Variants in PDE4D observed in about 807,000 individuals in gnomAD.
The protein encoded by PDE4D is 3',5'-cyclic-AMP phosphodiesterase 4D.
In PDE4D, 24 loss-of-function variants were observed where a neutral mutation model predicts 87.4. The observed-to-expected ratio is 0.27, with a 90% CI of 0.20 to 0.39. The LOEUF is 0.39. Ranked by LOEUF, PDE4D falls within the 10% of genes least tolerant of loss-of-function variation. The pLI, the probability that PDE4D is intolerant of heterozygous loss-of-function variation, is 1.00. For synonymous variants in PDE4D, 384 were observed against 383.2 expected (o/e 1.00, Z -0.02); for missense variants, 714 against 1,041.0 (o/e 0.69, Z 4.32).
chr5:59,797,391 C>T (rs1335720890), intron 1 of PDE4D, among the ~76,000 whole-genome samples: 1 of 152,168 alleles, frequency 6.6e-6, no homozygotes, highest in Non-Finnish European at 1.5e-5. Context: ...CATGGAAGGA[C>T]CAGCTCGTTA....
chr5:58,988,168 C>CT (rs1363081691), intron 11 of PDE4D, among the ~76,000 whole-genome samples: 2 of 151,422 alleles, frequency 1.3e-5, no homozygotes, highest in Admixed American at 6.6e-5. Flanking sequence ...ATTCTCATAA[C>CT]TTTTTTTTTA....
chr5:60,121,469 A>T (rs1230264680), intron 2 of PDE4D, among the ~76,000 whole-genome samples: 1 of 152,128 alleles, frequency 6.6e-6, no homozygotes, highest in Non-Finnish European at 1.5e-5. Context: ...GAGGCCTCAC[A>T]ATCATGGCAG....
At chr5:60,132,933 G>A (rs1279720605) in intron 2 of PDE4D, among the ~76,000 whole-genome samples, 1 of 152,092 alleles carries the variant, frequency 6.6e-6, no homozygotes, top group African/African-American at 2.4e-5. Flanking sequence ...GCACTTTCAG[G>A]CATATCCCTG....
At chr5:59,926,649 A>G (rs1755320247) in intron 3 of PDE4D, among the ~76,000 whole-genome samples, 1 of 152,162 alleles carries the variant, frequency 6.6e-6, no homozygotes, top group Non-Finnish European at 1.5e-5. Context: ...TAGCATCTTA[A>G]TAAGAAGACA....
chr5:60,186,501 A>G (rs1229005992), intron 1 of PDE4D, among the ~76,000 whole-genome samples: 6 of 152,162 alleles, frequency 3.9e-5, no homozygotes, highest in Non-Finnish European at 8.8e-5. Flanking sequence ...CACAACCTAC[A>G]TATTTATAAG....
At chr5:59,828,036 T>A (rs1478767050) in intron 1 of PDE4D, among the ~76,000 whole-genome samples, 2 of 151,966 alleles carry the variant, frequency 1.3e-5, no homozygotes, top group South Asian at 4.1e-4. Flanking sequence ...GCTTGCCTGA[T>A]AGCAGAGGGT....
chr5:60,045,215 T>A (rs1451200420), intron 2 of PDE4D, among the ~76,000 whole-genome samples: 2 of 152,038 alleles, frequency 1.3e-5, no homozygotes, highest in East Asian at 3.9e-4. Flanking sequence ...GGTTGTTTGT[T>A]TTTTTCTTGT....
At position 59,874,074 on chromosome 5, in the gene PDE4D, C is replaced by T. The variant is rs567872900; in HGVS notation, c.455+19094G>A. On this transcript the variant is annotated intron_variant, in intron 1 of 14. Transcript: ENST00000340635. Reference sequence around the variant, plus strand: ...AAAAATTTTTTTTTAAAAAAATGGCCGAGTATGATGGCTCCCTACGCAGGA... The same window carrying T: ...AAAAATTTTTTTTTAAAAAAATGGCTGAGTATGATGGCTCCCTACGCAGGA... 8.8e-4 allele frequency among the ~76,000 whole-genome samples: 133 copies of T among 151,830 alleles called. 1 individual carries two copies. Among genetic ancestry groups the T allele is most frequent in the Middle Eastern group, 3.4e-3 (1 of 294 alleles).
chr5:59,589,163 G>C (rs1182894901), intron 1 of PDE4D, among the ~76,000 whole-genome samples: 1 of 152,136 alleles, frequency 6.6e-6, no homozygotes, highest in Non-Finnish European at 1.5e-5. Flanking sequence ...TATCTAGTGA[G>C]TCACTATCTG....
At chr5:60,361,832 G>T (rs1760102931) in intron 1 of PDE4D, among the ~76,000 whole-genome samples, 1 of 152,088 alleles carries the variant, frequency 6.6e-6, no homozygotes, top group African/African-American at 2.4e-5. Context: ...AATTGTTGTT[G>T]TTTAATCCAC....
At chr5:59,038,836 G>C in intron 6 of PDE4D, 23 bp downstream of exon 6, 1 of 1,471,178 alleles carries the variant, frequency 6.8e-7, no homozygotes, top group Admixed American at 2.4e-5. Context: ...GGGGGCACCA[G>C]TGACAGCAGA....
chr5:59,358,557 G>A (rs1345881064), intron 1 of PDE4D, among the ~76,000 whole-genome samples: 3 of 151,916 alleles, frequency 2.0e-5, no homozygotes, highest in Admixed American at 1.3e-4. Context: ...TTCCATTTTC[G>A]GCAGCTCTTA....
At chr5:60,093,177 A>G (rs547367690) in intron 2 of PDE4D, among the ~76,000 whole-genome samples, 401 of 152,342 alleles carry the variant, frequency 2.6e-3, no homozygotes, top group Non-Finnish European at 4.9e-3. Context: ...AAAAAGATGC[A>G]TGAAGCACAT....
intron 1 of PDE4D, among the ~76,000 whole-genome samples, chr5:60,409,947 G>A (rs1454751334): frequency 1.3e-5 from 2 of 152,168 alleles, no homozygotes; most frequent in East Asian, 3.9e-4. Context: ...GTGGATAGAG[G>A]AGAGCCCGAG....
intron 3 of PDE4D, among the ~76,000 whole-genome samples, chr5:59,964,759 T>C (rs974262742): frequency 3.9e-5 from 6 of 152,152 alleles, no homozygotes; most frequent in Non-Finnish European, 8.8e-5. Context: ...TCTCTATCAG[T>C]AGCCACAGTC....
intron 3 of PDE4D, among the ~76,000 whole-genome samples, chr5:59,980,730 A>C (rs1361067714): frequency 5.9e-5 from 9 of 152,234 alleles, no homozygotes; most frequent in Admixed American, 3.9e-4. Context: ...AACCTGAAAA[A>C]GACACTGGAG....
In PDE4D at chr5:59,004,569, C is replaced by T. The variant is rs377353540; in HGVS notation, c.922-11104G>A. Reference sequence around the variant, plus strand: ...GAAAGGTTTCAAATGTAACAAAGTGCCATCTTCACAATATACACTATTGCT... The same window carrying T: ...GAAAGGTTTCAAATGTAACAAAGTGTCATCTTCACAATATACACTATTGCT... On this transcript the variant is annotated intron_variant, in intron 6 of 14. Coordinates refer to ENST00000340635, the MANE Select transcript of PDE4D (RefSeq NM_001104631.2). Among the ~76,000 whole-genome samples the T allele has an allele frequency of 4.6e-5, 7 of 152,284 alleles. No individual in the cohort carries two copies. The South Asian group carries it at 8.3e-4, about 18-fold the overall frequency.
Position 59,999,321 on chromosome 5 carries a change from A to C in PDE4D, c.43-10604T>G, listed in dbSNP as rs1303605257. Reference sequence around the variant, plus strand: ...GTTTCTGTCTTGCCTGATTCAGAGCACTAATGGAATCTACATACTTTGGAT... The same window carrying C: ...GTTTCTGTCTTGCCTGATTCAGAGCCCTAATGGAATCTACATACTTTGGAT... On this transcript the variant is annotated intron_variant, in intron 2 of 16. Coordinates refer to the PDE4D transcript ENST00000502484. 2.6e-5 allele frequency among the ~76,000 whole-genome samples: 4 copies of C among 152,246 alleles called. No individual in the cohort carries two copies. The East Asian group carries it at 5.8e-4, about 22-fold the overall frequency.
chr5:59,524,671 T>A (rs192379345), intron 1 of PDE4D, among the ~76,000 whole-genome samples: 96 of 152,304 alleles, frequency 6.3e-4, no homozygotes, highest in Non-Finnish European at 9.6e-4. Context: ...TTAGACGACT[T>A]CACAGCAGCC....
Sources: allele counts gnomAD v4.1 joint callset (sites outside exome capture counted in the v4.1 genomes callset), GRCh38; gene constraint gnomAD v4.1.1; transcripts MANE v1.5; gene names NCBI Gene and HGNC (gene_info 2026-07-23, HGNC 2026-07-21).